DCANP1: variants seen among roughly 807,000 people sequenced by gnomAD.
DCANP1 encodes dendritic cell nuclear protein 1.
For missense variants in DCANP1, 328 were observed against 293.7 expected (o/e 1.12, Z -0.85); for synonymous variants, 139 against 124.2 (o/e 1.12, Z -0.79).
chr5:135,445,410 C>T lies in DCANP1; in HGVS notation c.*964G>A, dbSNP rs2150031538. On this transcript the variant is annotated 3_prime_UTR_variant, in exon 1 of 1. Transcript: ENST00000503143. ...CAGGAGGCAGAGACATTCACCTCCA[C>T]TTCCTGTCTGCCCATGGCTTCGCGG... 6.5e-6 allele frequency: 1 copy of T among 152,840 alleles called. No individual in the cohort carries two copies. The highest frequency in any genetic ancestry group is 2.1e-4 in the South Asian group (1 of 4,830). The allele number at this position is 152,840 out of a possible 1,614,324, so 9.5% of individuals were successfully genotyped here. A position where few individuals can be genotyped will look rare whatever the true frequency, so the allele number is the denominator to read the frequency against.
At position 135,445,110 on chromosome 5, in the gene DCANP1, C is replaced by G. The variant is rs1187247138; in HGVS notation, c.*1264G>C. ...AACCTCTGATTGCTATCCTCAGAGC[C>G]CCTCCAGGGTCTCCTTGGCAGGGGC... On this transcript the variant is annotated 3_prime_UTR_variant, in exon 1 of 1. Transcript: ENST00000503143. The G allele has an allele frequency of 2.0e-5, 3 of 152,156 alleles. No homozygotes were observed. Among genetic ancestry groups the G allele is most frequent in the African/African-American group, 7.2e-5 (3 of 41,430 alleles). 9.4% of individuals were successfully genotyped at this position (152,156 alleles called of 1,614,324 possible).
At position 135,446,469 on chromosome 5, in the gene DCANP1, A is replaced by T. The variant is rs1251198018; in HGVS notation, c.640T>A (p.Cys214Ser). ...ACCCGCCTGCTCTGGCTGTCTGAGCAGGTGAGGGATAGTGATATCAAGTGC... is the reference window on the plus strand; with the variant it reads ...ACCCGCCTGCTCTGGCTGTCTGAGCTGGTGAGGGATAGTGATATCAAGTGC... ...SSHLISLSLTCSDSQSRRVSS... is the reference protein window; with the variant it reads ...SSHLISLSLTSSDSQSRRVSS... Residue 214 changes from cysteine (C) to serine (S), a missense_variant, in exon 1 of 1, where the codon TGC (cysteine) becomes AGC (serine). Coordinates refer to ENST00000503143, the MANE Select transcript of DCANP1 (RefSeq NM_130848.3). 6.2e-7 allele frequency: 1 copy of T among 1,613,964 alleles called. No individual in the cohort carries two copies. The highest frequency in any genetic ancestry group is 1.1e-5 in the South Asian group (1 of 91,078).
In DCANP1 at chr5:135,444,605, G is replaced by A. The variant is rs898374036; in HGVS notation, c.*1769C>T. ...CAGCTGGCAGCCCACTGCAGGGGTGGTGGAGGTCGCAATGCGCTGTCCCCA... is the reference window on the plus strand; with the variant it reads ...CAGCTGGCAGCCCACTGCAGGGGTGATGGAGGTCGCAATGCGCTGTCCCCA... On this transcript the variant is annotated 3_prime_UTR_variant, in exon 1 of 1. Coordinates refer to ENST00000503143, the MANE Select transcript of DCANP1 (RefSeq NM_130848.3). The A allele has an allele frequency of 2.6e-5, 4 of 152,302 alleles. No individual in the cohort carries two copies. Among genetic ancestry groups the A allele is most frequent in the Non-Finnish European group, 5.9e-5 (4 of 68,100 alleles). 9.4% of individuals were successfully genotyped at this position (152,302 alleles called of 1,614,324 possible).
At position 135,447,310 on chromosome 5, in the gene DCANP1, T is replaced by A. The variant is rs531979572; in HGVS notation, c.-202A>T. On this transcript the variant is annotated 5_prime_UTR_variant, in exon 1 of 1. Coordinates refer to ENST00000503143, the MANE Select transcript of DCANP1 (RefSeq NM_130848.3). Reference sequence around the variant, plus strand: ...TCCGTGGCTACAACTAAATCCCTAGTTGGGGAATCACAGAGCACAGGTAAG... The same window carrying A: ...TCCGTGGCTACAACTAAATCCCTAGATGGGGAATCACAGAGCACAGGTAAG... 1.5e-6 allele frequency: 1 copy of A among 649,954 alleles called. No individual in the cohort carries two copies. The highest frequency in any genetic ancestry group is 1.8e-5 in the African/African-American group (1 of 54,524). 40.3% of individuals were successfully genotyped at this position (649,954 alleles called of 1,614,324 possible).
In DCANP1 at chr5:135,446,961, C is replaced by T. The variant is rs1769279015; in HGVS notation, c.148G>A (p.Gly50Arg). The T allele has an allele frequency of 6.2e-7, 1 of 1,612,704 alleles. No individual in the cohort carries two copies. Among genetic ancestry groups the T allele is most frequent in the Admixed American group, 1.7e-5 (1 of 59,826 alleles). Reference protein sequence around the residue: ...CHSPAPPENFGNELLPLSAPL... With the variant: ...CHSPAPPENFRNELLPLSAPL... Reference sequence around the variant, plus strand: ...GCACTCAGGGGCAGCAGCTCATTCCCAAAGTTCTCTGGTGGAGCTGGGGAG... The same window carrying T: ...GCACTCAGGGGCAGCAGCTCATTCCTAAAGTTCTCTGGTGGAGCTGGGGAG... The change falls in exon 1 of 1, where the codon GGG becomes AGG. Residue 50 changes from glycine to arginine, a missense_variant. Gly to Arg is a moderately radical substitution (Grantham distance 125). Transcript: ENST00000503143.
Position 135,446,666 on chromosome 5 carries a change from G to C in DCANP1, c.443C>G (p.Pro148Arg), listed in dbSNP as rs994128923. ...GTACAGGGCAAGGTGTGAGTTTCCC[G>C]GTGAGACTGTGTGAACTGTGAACGG... ...LYPFTVHTVS[P>R]GNSHLALYQV... The change falls in exon 1 of 1, where the codon CCG becomes CGG. Residue 148 changes from proline (P) to arginine (R), a missense_variant. Physicochemically the swap from Pro to Arg is moderately radical, Grantham distance 103. Coordinates refer to ENST00000503143, the MANE Select transcript of DCANP1 (RefSeq NM_130848.3). 1 of 1,613,860 alleles carries C rather than the reference G, an allele frequency of 6.2e-7. No individual in the cohort carries two copies. Among genetic ancestry groups the C allele is most frequent in the African/African-American group, 1.3e-5 (1 of 74,938 alleles).
the DCANP1 span, chr5:135,446,433 G>A: frequency 6.2e-7 from 1 of 1,612,886 alleles, no homozygotes. Context: ...GGAGGTTGTT[G>A]GGAGGAACTC....
Position 135,447,065 on chromosome 5 carries a change from T to C in DCANP1, c.44A>G (p.His15Arg), listed in dbSNP as rs773902009. The C allele has an allele frequency of 1.2e-6, 2 of 1,614,052 alleles. No individual in the cohort carries two copies. The highest frequency in any genetic ancestry group is 1.1e-5 in the South Asian group (1 of 91,084). Residue 15 changes from histidine to arginine, a missense_variant, in exon 1 of 1, where the codon CAC (histidine) becomes CGC (arginine). Physicochemically the swap from His to Arg is conservative, Grantham distance 29. Transcript: ENST00000503143. ...GTGTCCAGGTACAGTCTCCAGGCCGTGGCTTCTCGAGTTCTGTATGTGGGT... is the reference window on the plus strand; with the variant it reads ...GTGTCCAGGTACAGTCTCCAGGCCGCGGCTTCTCGAGTTCTGTATGTGGGT... The part of the protein sequence containing the change: ...AATHIQNSRS[H>R]GLETVPGHQR...
In DCANP1 at chr5:135,446,953, C is replaced by A; in HGVS notation, c.156G>T (p.Glu52Asp). Residue 52 changes from glutamate to aspartate, a missense_variant, in exon 1 of 1, where the codon GAG becomes GAT. Coordinates refer to ENST00000503143, the MANE Select transcript of DCANP1 (RefSeq NM_130848.3). Reference sequence around the variant, plus strand: ...GGAGAGGGGCACTCAGGGGCAGCAGCTCATTCCCAAAGTTCTCTGGTGGAG... The same window carrying A: ...GGAGAGGGGCACTCAGGGGCAGCAGATCATTCCCAAAGTTCTCTGGTGGAG... ...SPAPPENFGN[E>D]LLPLSAPLQG... The A allele has an allele frequency of 6.2e-7, 1 of 1,612,848 alleles. No individual in the cohort carries two copies. The highest frequency in any genetic ancestry group is 8.5e-7 in the Non-Finnish European group (1 of 1,179,344).
At position 135,447,026 on chromosome 5, in the gene DCANP1, C is replaced by T. The variant is rs754384816; in HGVS notation, c.83G>A (p.Arg28Lys). The change falls in exon 1 of 1, where the codon AGA becomes AAA. Residue 28 changes from arginine to lysine, a missense_variant. By Grantham distance (26) the Arg-to-Lys change is conservative. Transcript: ENST00000503143. The part of the protein sequence containing the change: ...ETVPGHQRLE[R>K]GAGGETPEFP... The stretch of plus-strand genomic sequence containing the variant: ...CTCTGGGGTTTCCCCACCAGCTCCT[C>T]TCTCCAGTCTTTGGTGTCCAGGTAC... 1 of 1,613,958 alleles carries T rather than the reference C, an allele frequency of 6.2e-7. No individual in the cohort carries two copies. Among genetic ancestry groups the T allele is most frequent in the South Asian group, 1.1e-5 (1 of 91,054 alleles).
Position 135,446,228 on chromosome 5 carries a change from ATAGTAAGTGGG to A in DCANP1, c.*135_*145del, listed in dbSNP as rs1451978974. On this transcript the variant is annotated 3_prime_UTR_variant, in exon 1 of 1. Coordinates refer to ENST00000503143, the MANE Select transcript of DCANP1 (RefSeq NM_130848.3). Reference sequence around the variant, plus strand: ...GTTACTTGTCCAGGATCACAGAACTATAGTAAGTGGGGGTGGGGACAAGAATTCTAACCCAG... The same window carrying A: ...GTTACTTGTCCAGGATCACAGAACTAGGTGGGGACAAGAATTCTAACCCAG... The A allele has an allele frequency of 1.1e-6, 1 of 948,700 alleles. No individual in the cohort carries two copies. The highest frequency in any genetic ancestry group is 1.6e-6 in the Non-Finnish European group (1 of 634,072). 58.8% of individuals were successfully genotyped at this position (948,700 alleles called of 1,614,324 possible). A position where few individuals can be genotyped will look rare whatever the true frequency, so the allele number is the denominator to read the frequency against.
rs779992336 is a variant in DCANP1 at position 135,447,121 on chromosome 5, A to G, written c.-13T>C. On this transcript the variant is annotated 5_prime_UTR_variant, in exon 1 of 1. An upstream start codon of the reference 5' UTR is lost. Transcript: ENST00000503143. ...CTCCGTAATGCATAGTTGGGGGACC[A>G]TTTTGGTCAGTGACAGATCACTGCT... 31 of 1,613,886 alleles carry G rather than the reference A, an allele frequency of 1.9e-5. No individual in the cohort carries two copies. Among genetic ancestry groups the G allele is most frequent in the Middle Eastern group, 1.6e-4 (1 of 6,084 alleles).
Position 135,447,083 on chromosome 5 carries a change from A to G in DCANP1, c.26T>C (p.Ile9Thr), listed in dbSNP as rs765551056. 6.2e-7 allele frequency: 1 copy of G among 1,614,010 alleles called. No homozygotes were observed. Among genetic ancestry groups the G allele is most frequent in the South Asian group, 1.1e-5 (1 of 91,090 alleles). ...CAGGCCGTGGCTTCTCGAGTTCTGT[A>G]TGTGGGTTGCTGCTCCGTAATGCAT... MHYGAATH[I>T]QNSRSHGLET... The change falls in exon 1 of 1, where the codon ATA becomes ACA. Residue 9 changes from isoleucine (I) to threonine (T), a missense_variant. Physicochemically the swap from Ile to Thr is moderately conservative, Grantham distance 89. Transcript: ENST00000503143.
In DCANP1 at chr5:135,446,443, C is replaced by T. The variant is rs1462428368; in HGVS notation, c.666G>A (p.Val222=). The change falls in exon 1 of 1, where the codon GTG becomes GTA. Residue 222 remains valine (V), a synonymous_variant. Coordinates refer to ENST00000503143, the MANE Select transcript of DCANP1 (RefSeq NM_130848.3). ...LTCSDSQSRR[V]SSSQQPPLHS... is the part of the protein sequence containing the mutation. Reference sequence around the variant, plus strand: ...GCAGTGGAGGTTGTTGGGAGGAACTCACCCGCCTGCTCTGGCTGTCTGAGC... The same window carrying T: ...GCAGTGGAGGTTGTTGGGAGGAACTTACCCGCCTGCTCTGGCTGTCTGAGC... 2 of 1,613,484 alleles carry T rather than the reference C, an allele frequency of 1.2e-6. No individual in the cohort carries two copies. Among genetic ancestry groups the T allele is most frequent in the South Asian group, 1.1e-5 (1 of 91,074 alleles).
rs140260513 is a variant in DCANP1 at position 135,446,665 on chromosome 5, C to T, written c.444G>A (p.Pro148=). ...LYPFTVHTVS[P]GNSHLALYQV... is the part of the protein sequence containing the mutation. ...GGTACAGGGCAAGGTGTGAGTTTCC[C>T]GGTGAGACTGTGTGAACTGTGAACG... The change falls in exon 1 of 1, where the codon CCG becomes CCA. Residue 148 remains proline (P), a synonymous_variant. Coordinates refer to ENST00000503143, the MANE Select transcript of DCANP1 (RefSeq NM_130848.3). 9.0e-5 allele frequency: 146 copies of T among 1,613,970 alleles called. No individual in the cohort carries two copies. The African/African-American group carries it at 9.6e-4, about 11-fold the overall frequency.
Position 135,446,638 on chromosome 5 carries a change from T to A in DCANP1, c.471A>T (p.Gln157His). 6.2e-7 allele frequency: 1 copy of A among 1,613,982 alleles called. No homozygotes were observed. The highest frequency in any genetic ancestry group is 8.5e-7 in the Non-Finnish European group (1 of 1,179,886). ...SPGNSHLALY[Q>H]VFKAVKLCPS... ...GGCAGAGCTTAACTGCCTTAAAAAC[T>A]TGGTACAGGGCAAGGTGTGAGTTTC... is the stretch of plus-strand genomic sequence containing the variant. The change falls in exon 1 of 1, where the codon CAA becomes CAT. Residue 157 changes from glutamine to histidine, a missense_variant. Transcript: ENST00000503143.
Position 135,447,298 on chromosome 5 carries a change from C to T in DCANP1, c.-190G>A. 1 of 678,000 alleles carries T rather than the reference C, an allele frequency of 1.5e-6. No individual in the cohort carries two copies. 42.0% of individuals were successfully genotyped at this position (678,000 alleles called of 1,614,324 possible). On this transcript the variant is annotated 5_prime_UTR_variant, in exon 1 of 1. Coordinates refer to ENST00000503143, the MANE Select transcript of DCANP1 (RefSeq NM_130848.3). ...TTGCCTACCAGGTCCGTGGCTACAA[C>T]TAAATCCCTAGTTGGGGAATCACAG... is the stretch of plus-strand genomic sequence containing the variant.
Position 135,445,554 on chromosome 5 carries a change from C to T in DCANP1, c.*820G>A, listed in dbSNP as rs897318993. On this transcript the variant is annotated 3_prime_UTR_variant, in exon 1 of 1. Coordinates refer to ENST00000503143, the MANE Select transcript of DCANP1 (RefSeq NM_130848.3). ...CCAAGGGGACTGCTGCCTTGACCAC[C>T]AGAGCCCCCCCGTCTGTGCATCTGT... is the stretch of plus-strand genomic sequence containing the variant. 1 of 152,482 alleles carries T rather than the reference C, an allele frequency of 6.6e-6. No individual in the cohort carries two copies. Among genetic ancestry groups the T allele is most frequent in the African/African-American group, 2.4e-5 (1 of 41,486 alleles). 9.4% of individuals were successfully genotyped at this position (152,482 alleles called of 1,614,324 possible).
In DCANP1 at chr5:135,447,223, CT is replaced by C. The variant is rs1769288098; in HGVS notation, c.-116del. On this transcript the variant is annotated 5_prime_UTR_variant, in exon 1 of 1. Transcript: ENST00000503143. ...CAGGGCATCTCCCATTATACTAACC[CT>C]GCCTATTGGACCTTCTGATGCAAGG... The C allele has an allele frequency of 1.5e-6, 2 of 1,306,386 alleles. No individual in the cohort carries two copies. The highest frequency in any genetic ancestry group is 2.1e-6 in the Non-Finnish European group (2 of 933,428). The allele number at this position is 1,306,386 out of a possible 1,614,324, so 80.9% of individuals were successfully genotyped here.
Sources: gnomAD v4.1 joint callset for allele counts on GRCh38, gnomAD v4.1.1 for gene constraint, MANE v1.5 for transcripts, NCBI Gene and HGNC (gene_info 2026-07-23, HGNC 2026-07-21) for gene names.